The following ATXN1 variants were observed in gnomAD, a reference collection of about 807,000 sequenced individuals.
ATXN1 encodes ataxin-1.
ATXN1 carries 8 observed loss-of-function variants against 56.4 expected under a neutral mutation model. The observed-to-expected ratio is 0.14, with a 90% CI of 0.08 to 0.26. The LOEUF (loss-of-function observed/expected upper bound fraction) is 0.26. ATXN1 is among the 10% of genes least tolerant of loss of function. The probability of loss-of-function intolerance (pLI) is 1.00; values close to 1 mark genes in which losing one functional copy is unlikely to be tolerated. For synonymous variants in ATXN1, 514 were observed against 494.6 expected (o/e 1.04, Z -0.52); for missense variants, 987 against 1,106.5 (o/e 0.89, Z 1.53).
chr6:16,753,104 C>A (rs1760773680), intron 2 of ATXN1, 129 bp downstream of exon 2: 1 of 376,692 alleles, frequency 2.7e-6, no homozygotes, highest in Non-Finnish European at 5.3e-6. Flanking sequence ...CCACACTATG[C>A]CCAAACAGAG....
chr6:16,329,302 ACTCGATTT>A (rs1479567826), intron 6 of ATXN1, among the ~76,000 whole-genome samples: 1 of 151,996 alleles, frequency 6.6e-6, no homozygotes, highest in Non-Finnish European at 1.5e-5. Context: ...CAGTCCTTGC[ACTCGATTT>A]CTGAATCCTC....
chr6:16,600,359 CTG>C (rs1762890892), intron 3 of ATXN1, among the ~76,000 whole-genome samples: 1 of 152,158 alleles, frequency 6.6e-6, no homozygotes, highest in Admixed American at 6.5e-5. Context: ...TAAAAGTTGA[CTG>C]TATAATAATG....
At chr6:16,411,944 G>T (rs1177115798) in intron 6 of ATXN1, among the ~76,000 whole-genome samples, 1 of 152,158 alleles carries the variant, frequency 6.6e-6, no homozygotes, top group Non-Finnish European at 1.5e-5. Flanking sequence ...AGGTTATCTT[G>T]AATGTTTTAA....
At chr6:16,392,599 G>A (rs371111971) in intron 6 of ATXN1, among the ~76,000 whole-genome samples, 5 of 151,850 alleles carry the variant, frequency 3.3e-5, no homozygotes, top group Admixed American at 6.6e-5. Context: ...AGGTTCAAGC[G>A]ATTCTCCTGC....
chr6:16,635,216 C>T (rs181157015), intron 3 of ATXN1, among the ~76,000 whole-genome samples: 66 of 152,268 alleles, frequency 4.3e-4, no homozygotes, highest in Non-Finnish European at 8.5e-4. Context: ...GATGATCTGT[C>T]ACTGTCTCCC....
chr6:16,445,516 T>C (rs1460737006), intron 6 of ATXN1, among the ~76,000 whole-genome samples: 12 of 152,090 alleles, frequency 7.9e-5, no homozygotes. Flanking sequence ...TTTCTTTTTT[T>C]TTTAAGTTTT....
chr6:16,673,159 C>G (rs1053702561), intron 2 of ATXN1, among the ~76,000 whole-genome samples: 1 of 142,776 alleles, frequency 7.0e-6, no homozygotes, highest in Non-Finnish European at 1.5e-5. Flanking sequence ...GATTTCTGAC[C>G]TGCAGAACTG....
At chr6:16,751,083 C>T (rs1760705099) in intron 2 of ATXN1, among the ~76,000 whole-genome samples, 1 of 151,756 alleles carries the variant, frequency 6.6e-6, no homozygotes, top group South Asian at 2.1e-4. Context: ...ATTCTCCTGC[C>T]TCAGTGTCCC....
intron 6 of ATXN1, among the ~76,000 whole-genome samples, chr6:16,416,956 T>C (rs1007700887): frequency 6.6e-6 from 1 of 152,262 alleles, no homozygotes; most frequent in African/African-American, 2.4e-5. Context: ...GAGTGAATAA[T>C]GGAATAAATC....
At chr6:16,753,440 A>G in intron 1 of ATXN1, 93 bp from the exon 2 acceptor site, 6 of 429,994 alleles carry the variant, frequency 1.4e-5, no homozygotes, top group Non-Finnish European at 2.8e-5. Context: ...GTGTCTATGC[A>G]CCGAAATACA....
chr6:16,307,518 A>T (rs577896835), intron 7 of ATXN1, among the ~76,000 whole-genome samples: 30 of 152,080 alleles, frequency 2.0e-4, no homozygotes, highest in African/African-American at 6.0e-4. Context: ...AAAATAAAAA[A>T]AAAAAATTAG....
intron 4 of ATXN1, among the ~76,000 whole-genome samples, chr6:16,578,964 T>C (rs181905490): frequency 2.5e-3 from 385 of 152,324 alleles, no homozygotes; most frequent in Middle Eastern, 0.017. Flanking sequence ...CCCTGCTGTT[T>C]TAATGGGATT....
At chr6:16,451,901 T>C (rs1393265105) in intron 6 of ATXN1, among the ~76,000 whole-genome samples, 2 of 152,248 alleles carry the variant, frequency 1.3e-5, no homozygotes, top group Non-Finnish European at 2.9e-5. Flanking sequence ...CCTGTTTCTA[T>C]CTTCAGTCTT....
In ATXN1 at chr6:16,506,392, T is replaced by G. The variant is rs1349218298; in HGVS notation, c.-299+16235A>C. Among the ~76,000 whole-genome samples the G allele has an allele frequency of 6.6e-6, 1 of 152,226 alleles. No individual in the cohort carries two copies. Among genetic ancestry groups the G allele is most frequent in the Admixed American group, 6.5e-5 (1 of 15,284 alleles). The stretch of plus-strand genomic sequence containing the variant: ...AATAGTTTTACATAAGCAAAGCTGA[T>G]GTCTCCTCTGACCTCCCCCTTTTAA... On this transcript the variant is annotated intron_variant, in intron 5 of 7. Transcript: ENST00000436367. This position sits in a 1 kb window ranked among gnomAD's most constrained non-coding sequence, Gnocchi z 4.1.
intron 6 of ATXN1, among the ~76,000 whole-genome samples, chr6:16,481,669 T>C (rs1760441653): frequency 6.6e-6 from 1 of 152,130 alleles, no homozygotes; most frequent in South Asian, 2.1e-4. Context: ...GAACTTCCCA[T>C]CACACACCAC....
At chr6:16,538,451 C>CT (rs1761647057) in intron 4 of ATXN1, among the ~76,000 whole-genome samples, 1 of 151,620 alleles carries the variant, frequency 6.6e-6, no homozygotes, top group Admixed American at 6.6e-5. Context: ...TTTAATTATA[C>CT]TTTAAGTTTT....
At chr6:16,493,446 GTTTT>G (rs1174959883) in intron 5 of ATXN1, among the ~76,000 whole-genome samples, 9 of 115,468 alleles carry the variant, frequency 7.8e-5, no homozygotes, top group African/African-American at 2.8e-4. Context: ...TCAATCAGAA[GTTTT>G]TTTTTTTTTT....
At chr6:16,606,819 C>T (rs1199265343) in intron 3 of ATXN1, among the ~76,000 whole-genome samples, 3 of 134,126 alleles carry the variant, frequency 2.2e-5, no homozygotes, top group African/African-American at 8.1e-5. Flanking sequence ...TGAGCCATCA[C>T]GCCCGGCCCT....
intron 6 of ATXN1, among the ~76,000 whole-genome samples, chr6:16,466,294 G>T (rs1331714120): frequency 2.3e-5 from 3 of 130,986 alleles, no homozygotes; most frequent in African/African-American, 6.0e-5. Flanking sequence ...CTCCAGTCTG[G>T]GTGACAGAGT....
Sources: gnomAD v4.1 joint callset for allele counts (sites outside exome capture counted in the v4.1 genomes callset) on GRCh38, gnomAD v4.1.1 for gene constraint, Gnocchi (gnomAD v3.1) non-coding constraint, MANE v1.5 for transcripts, NCBI Gene and HGNC (gene_info 2026-07-23, HGNC 2026-07-21) for gene names.